Variants in MYO5B observed in about 807,000 individuals in gnomAD.
MYO5B encodes the protein unconventional myosin-Vb.
Under a neutral mutation model 229.3 loss-of-function variants are expected in MYO5B, and 143 were observed. The ratio of observed to expected loss-of-function variants is 0.62; its 90% CI spans 0.54 to 0.72. MYO5B has a LOEUF of 0.72. MYO5B is among the 30% of genes least tolerant of loss of function. MYO5B has a pLI of 0.00. For synonymous variants in MYO5B, 918 were observed against 885.2 expected, an observed-to-expected ratio of 1.04 and a Z score of -0.66; for missense variants, 2,321 against 2,331.0, an observed-to-expected ratio of 1.00 and a Z score of 0.09.
intron 4 of MYO5B, among the ~76,000 whole-genome samples, chr18:50,020,086 C>G (rs891315748): frequency 2.6e-5 from 4 of 152,200 alleles, no homozygotes; most frequent in African/African-American, 9.7e-5. Context: ...ACCCTACCCT[C>G]AGTCACCTGT....
At chr18:49,853,384 C>T (rs2024224138) in intron 31 of MYO5B, 65 bp downstream of exon 31, 2 of 1,574,692 alleles carry the variant, frequency 1.3e-6, no homozygotes, top group Non-Finnish European at 1.7e-6. Context: ...AAAGGCAACC[C>T]CGATCCCATT....
intron 17 of MYO5B, among the ~76,000 whole-genome samples, chr18:49,917,728 G>A (rs1050857287): frequency 6.6e-6 from 1 of 152,224 alleles, no homozygotes; most frequent in African/African-American, 2.4e-5. Context: ...CTCCAGGAAT[G>A]TAATTCTTAC....
chr18:50,105,112 T>G (rs2031731170), intron 1 of MYO5B, among the ~76,000 whole-genome samples: 1 of 150,508 alleles, frequency 6.6e-6, no homozygotes, highest in Non-Finnish European at 1.5e-5. Flanking sequence ...GAAACCAAGG[T>G]AGGAATCAGA....
chr18:49,841,504 A>G (rs1213073674), intron 34 of MYO5B, 50 bp from the exon 35 acceptor site: 1 of 1,492,928 alleles, frequency 6.7e-7, no homozygotes, highest in African/African-American at 1.4e-5. Context: ...CCATCTGGTG[A>G]AATGCTTCCT....
At chr18:49,946,430 A>T (rs769817190) in intron 14 of MYO5B, 3 of 152,152 alleles carry the variant, frequency 2.0e-5, no homozygotes, top group Non-Finnish European at 4.4e-5. Context: ...AAAAAGTTTC[A>T]AATTTTAGAG....
intron 17 of MYO5B, among the ~76,000 whole-genome samples, chr18:49,917,165 T>G (rs2025026035): frequency 6.6e-6 from 1 of 152,118 alleles, no homozygotes; most frequent in Non-Finnish European, 1.5e-5. Context: ...CATGCAGGGG[T>G]AGCTCCTCTG....
chr18:49,927,719 T>C (rs1258853428), intron 17 of MYO5B, among the ~76,000 whole-genome samples: 1 of 152,180 alleles, frequency 6.6e-6, no homozygotes. Context: ...TGGATCCTCA[T>C]CTCTTACTCT....
At chr18:49,875,858 T>C (rs752660109) in intron 25 of MYO5B, 31 bp from the exon 26 acceptor site, 2 of 1,613,174 alleles carry the variant, frequency 1.2e-6, no homozygotes, top group Non-Finnish European at 1.7e-6. Context: ...AGAAAAAAGG[T>C]TTTCCTAAAT....
At chr18:49,990,020 C>T (rs917947320) in intron 7 of MYO5B, among the ~76,000 whole-genome samples, 1 of 152,170 alleles carries the variant, frequency 6.6e-6, no homozygotes, top group Non-Finnish European at 1.5e-5. Flanking sequence ...TTTATCCTCA[C>T]CCCTTTCTCT....
chr18:50,085,642 A>T (rs2031314130), intron 1 of MYO5B, among the ~76,000 whole-genome samples: 1 of 152,218 alleles, frequency 6.6e-6, no homozygotes, highest in Admixed American at 6.5e-5. Flanking sequence ...ACTATTCACA[A>T]TAGCAAAGAC....
intron 10 of MYO5B, 131 bp from the exon 11 acceptor site, chr18:49,963,161 CAG>C (rs2025580617): frequency 4.0e-6 from 3 of 757,732 alleles, no homozygotes; most frequent in Non-Finnish European, 7.2e-6. Context: ...ATCTTGTGTT[CAG>C]AGAGACCACT....
intron 4 of MYO5B, among the ~76,000 whole-genome samples, chr18:50,026,045 C>G (rs992191759): frequency 2.0e-5 from 3 of 152,140 alleles, no homozygotes; most frequent in Non-Finnish European, 4.4e-5. Context: ...ATATTTTCTT[C>G]ACATACTCTA....
intron 1 of MYO5B, among the ~76,000 whole-genome samples, chr18:50,088,481 C>A (rs2031378675): frequency 1.3e-5 from 2 of 152,206 alleles, no homozygotes; most frequent in Non-Finnish European, 2.9e-5. Flanking sequence ...ACTTTAAAAT[C>A]TTTAAAACAA....
intron 21 of MYO5B, among the ~76,000 whole-genome samples, chr18:49,899,376 G>A (rs917937541): frequency 2.6e-5 from 4 of 152,166 alleles, no homozygotes; most frequent in East Asian, 1.9e-4. Flanking sequence ...AGAGTGTCAA[G>A]CATGTTATTT....
intron 1 of MYO5B, among the ~76,000 whole-genome samples, chr18:50,070,656 C>G (rs370216691): frequency 2.0e-5 from 3 of 152,070 alleles, no homozygotes; most frequent in Non-Finnish European, 4.4e-5. Context: ...AACAAAAACA[C>G]CTCATCCTGC....
At chr18:50,070,562 G>C (rs115114018) in intron 1 of MYO5B, among the ~76,000 whole-genome samples, 1 of 151,990 alleles carries the variant, frequency 6.6e-6, no homozygotes, top group African/African-American at 2.4e-5. Context: ...CAACACGCAG[G>C]ATAGCCCTTG....
At chr18:49,915,501 C>T (rs559737869) in intron 17 of MYO5B, among the ~76,000 whole-genome samples, 13 of 152,332 alleles carry the variant, frequency 8.5e-5, no homozygotes, top group South Asian at 4.1e-4. Flanking sequence ...CTTAGAGCAC[C>T]GAGGCCTCTG....
chr18:49,984,624 G>T, intron 8 of MYO5B, 94 bp downstream of exon 8: 1 of 962,780 alleles, frequency 1.0e-6, no homozygotes, highest in Non-Finnish European at 1.7e-6. Flanking sequence ...AGCTCCTGCA[G>T]GTTGCTGGCA....
chr18:49,944,172 A>G (rs952205493), intron 14 of MYO5B, among the ~76,000 whole-genome samples: 4 of 151,998 alleles, frequency 2.6e-5, no homozygotes, highest in African/African-American at 9.7e-5. Context: ...GCACACATGA[A>G]CTCCTCCAAG....
Sources: allele counts gnomAD v4.1 joint callset (sites outside exome capture counted in the v4.1 genomes callset), GRCh38; gene constraint gnomAD v4.1.1; transcripts MANE v1.5; gene names NCBI Gene and HGNC (gene_info 2026-07-23, HGNC 2026-07-21).